Variants in SH3BGRL2 observed in about 807,000 individuals in gnomAD.
SH3BGRL2 encodes the protein SH3 domain-binding glutamic acid-rich-like protein 2.
SH3BGRL2 carries 21 observed loss-of-function variants against 14.8 expected under a neutral mutation model. That is an observed-to-expected ratio of 1.42 (90% CI 1.01 to 2.05). The LOEUF (loss-of-function observed/expected upper bound fraction) is 2.05. Among genes scored for constraint, SH3BGRL2 ranks in the 30% most tolerant of loss-of-function variants. The pLI is 0.00. For synonymous variants in SH3BGRL2, 50 were observed against 47.8 expected (o/e 1.05, Z -0.19); for missense variants, 147 against 130.8 (o/e 1.12, Z -0.61).
chr6:79,655,057 T>A (rs1197748178), intron 1 of SH3BGRL2, among the ~76,000 whole-genome samples: 7 of 151,854 alleles, frequency 4.6e-5, no homozygotes, highest in African/African-American at 1.7e-4. Context: ...AACCTGGGTG[T>A]TTTTTTTGTG....
the SH3BGRL2 span, among the ~76,000 whole-genome samples, chr6:79,541,889 C>G: frequency 1.3e-5 from 2 of 152,186 alleles, no homozygotes; most frequent in African/African-American, 4.8e-5. Context: ...TTAAGAAAAA[C>G]TCTTGTAATT....
chr6:79,612,428 TA>T, the SH3BGRL2 span, among the ~76,000 whole-genome samples: 2 of 152,228 alleles, frequency 1.3e-5, no homozygotes, highest in African/African-American at 2.4e-5. Flanking sequence ...ATGATGGTTT[TA>T]TTTTCCCTAC....
At chr6:79,658,218 A>C (rs1158010671) in intron 1 of SH3BGRL2, among the ~76,000 whole-genome samples, 2 of 152,164 alleles carry the variant, frequency 1.3e-5, no homozygotes. Context: ...GCATAGGTAT[A>C]CATGTGCCAT....
chr6:79,563,920 A>G, the SH3BGRL2 span, among the ~76,000 whole-genome samples: 46 of 152,344 alleles, frequency 3.0e-4, no homozygotes, highest in African/African-American at 8.9e-4. Context: ...ATCTATGACA[A>G]TGGCTTTAGG....
chr6:79,631,648 T>A, intron 1 of SH3BGRL2, 142 bp downstream of exon 1: 2 of 289,062 alleles, frequency 6.9e-6, no homozygotes, highest in Non-Finnish European at 1.1e-5. Context: ...TCCATCACAC[T>A]CCGACAACAA....
chr6:79,653,346 G>T (rs962559179), intron 1 of SH3BGRL2, among the ~76,000 whole-genome samples: 2 of 152,098 alleles, frequency 1.3e-5, no homozygotes, highest in Non-Finnish European at 2.9e-5. Context: ...GTCTGTCTCT[G>T]TGGTTTCAGT....
the SH3BGRL2 span, among the ~76,000 whole-genome samples, chr6:79,540,308 G>A: frequency 6.6e-6 from 1 of 152,050 alleles, no homozygotes. Context: ...GGTGGCGGGT[G>A]CCTGTAGTCC....
chr6:79,561,035 C>T, the SH3BGRL2 span: 1 of 151,594 alleles, frequency 6.6e-6, no homozygotes, highest in Non-Finnish European at 1.5e-5. Flanking sequence ...CATGCGCCAC[C>T]ACACCCTGCT....
At chr6:79,614,609 C>T in the SH3BGRL2 span, among the ~76,000 whole-genome samples, 10 of 152,112 alleles carry the variant, frequency 6.6e-5, no homozygotes, top group Non-Finnish European at 1.5e-4. Context: ...ATTAGACTGC[C>T]CCGATGTGGT....
chr6:79,642,245 C>T (rs1158853794), intron 1 of SH3BGRL2, among the ~76,000 whole-genome samples: 1 of 152,124 alleles, frequency 6.6e-6, no homozygotes, highest in Non-Finnish European at 1.5e-5. Context: ...TATAGTATTA[C>T]AGCTATTTAC....
the SH3BGRL2 span, among the ~76,000 whole-genome samples, chr6:79,555,499 G>T: frequency 6.6e-6 from 1 of 152,064 alleles, no homozygotes; most frequent in Non-Finnish European, 1.5e-5. Context: ...AAACTTGGAC[G>T]CATAAACTGA....
intron 1 of SH3BGRL2, among the ~76,000 whole-genome samples, chr6:79,643,833 C>G (rs1253172518): frequency 6.6e-6 from 1 of 152,166 alleles, no homozygotes; most frequent in African/African-American, 2.4e-5. Context: ...ATAGGCAGTG[C>G]TCCGAAGAGA....
At chr6:79,587,519 A>G in the SH3BGRL2 span, among the ~76,000 whole-genome samples, 2 of 152,234 alleles carry the variant, frequency 1.3e-5, no homozygotes, top group African/African-American at 2.4e-5. Flanking sequence ...TTTAATGCAT[A>G]TGTTAATTTC....
chr6:79,545,363 C>G, the SH3BGRL2 span, among the ~76,000 whole-genome samples: 31 of 152,298 alleles, frequency 2.0e-4, no homozygotes, highest in Admixed American at 6.5e-5. Context: ...TTAATCCAGT[C>G]AAATGATGCA....
chr6:79,549,269 C>T, the SH3BGRL2 span, among the ~76,000 whole-genome samples: 1 of 152,158 alleles, frequency 6.6e-6, no homozygotes, highest in Non-Finnish European at 1.5e-5. Flanking sequence ...ATAAAAACTA[C>T]AGCCCAAAAT....
At chr6:79,684,187 A>G (rs571650575) in intron 2 of SH3BGRL2, among the ~76,000 whole-genome samples, 1 of 152,150 alleles carries the variant, frequency 6.6e-6, no homozygotes, top group Non-Finnish European at 1.5e-5. Flanking sequence ...TTCTTACCTC[A>G]TATACCCAGT....
the SH3BGRL2 span, among the ~76,000 whole-genome samples, chr6:79,605,560 TTACAG>T: frequency 1.1e-4 from 16 of 152,204 alleles, no homozygotes; most frequent in Non-Finnish European, 2.9e-5. Flanking sequence ...TCTGTAGTCT[TTACAG>T]TACATTTTTA....
At chr6:79,696,435 G>A in intron 2 of SH3BGRL2, 50 bp from the exon 3 acceptor site, 3 of 1,330,792 alleles carry the variant, frequency 2.3e-6, no homozygotes, top group South Asian at 2.6e-5. Context: ...CAAATATAAA[G>A]ATAATTGTTT....
At chr6:79,620,132 G>A in the SH3BGRL2 span, among the ~76,000 whole-genome samples, 25 of 151,570 alleles carry the variant, frequency 1.6e-4, no homozygotes, top group East Asian at 9.7e-4. Flanking sequence ...TCCATTTACC[G>A]TTCTCATAGA....
Sources: gnomAD v4.1 joint callset for allele counts (sites outside exome capture counted in the v4.1 genomes callset) on GRCh38, gnomAD v4.1.1 for gene constraint, MANE v1.5 for transcripts, NCBI Gene and HGNC (gene_info 2026-07-23, HGNC 2026-07-21) for gene names.